FBXO31: variants seen among roughly 807,000 people sequenced by gnomAD.
The protein encoded by FBXO31 is F-box only protein 31.
A neutral mutation model predicts 54.4 loss-of-function variants in FBXO31; 24 were observed. That is an observed-to-expected ratio of 0.44 (90% CI 0.32 to 0.62). FBXO31 has a LOEUF of 0.62. FBXO31 is among the 20% of genes least tolerant of loss of function. The pLI is 0.05. For missense variants in FBXO31, 665 were observed against 787.1 expected (o/e 0.84, Z 1.86); for synonymous variants, 388 against 335.6 (o/e 1.16, Z -1.71).
intron 5 of FBXO31, among the ~76,000 whole-genome samples, chr16:87,340,773 A>T (rs147367406): frequency 2.3e-4 from 35 of 152,362 alleles, no homozygotes; most frequent in Middle Eastern, 6.8e-3. Context: ...CCTGGGCAAC[A>T]AAGTGAGACA....
intron 1 of FBXO31, among the ~76,000 whole-genome samples, chr16:87,362,139 C>T (rs544860868): frequency 1.3e-5 from 2 of 151,426 alleles, no homozygotes; most frequent in East Asian, 1.9e-4. Flanking sequence ...AGATCTAGGC[C>T]GGGGCTGCCC....
At chr16:87,333,764 C>T in intron 8 of FBXO31, 122 bp downstream of exon 8, 1 of 1,413,006 alleles carries the variant, frequency 7.1e-7, no homozygotes, top group South Asian at 1.4e-5. Context: ...TGTCCCAAAG[C>T]ACCGGCTGCC....
chr16:87,377,816 G>C (rs1048264222), intron 1 of FBXO31, among the ~76,000 whole-genome samples: 11 of 150,452 alleles, frequency 7.3e-5, no homozygotes, highest in African/African-American at 2.0e-4. Flanking sequence ...GTGACAGAAA[G>C]AGACCCAGTC....
intron 5 of FBXO31, among the ~76,000 whole-genome samples, chr16:87,337,315 G>A (rs1905067765): frequency 1.3e-5 from 2 of 152,210 alleles, no homozygotes; most frequent in African/African-American, 4.8e-5. Context: ...GAGATGCCAC[G>A]TGTGGGGTCT....
chr16:87,343,509 T>C, intron 4 of FBXO31, 89 bp downstream of exon 4: 1 of 1,471,060 alleles, frequency 6.8e-7, no homozygotes, highest in Non-Finnish European at 9.2e-7. Context: ...AGCCCAGGTC[T>C]GCAGCTGAGA....
In FBXO31 at chr16:87,335,607, C is replaced by CA; in HGVS notation, c.843-151dup. 2 of 922,506 alleles carry CA rather than the reference C, an allele frequency of 2.2e-6. No individual in the cohort carries two copies. Among genetic ancestry groups the CA allele is most frequent in the South Asian group, 3.4e-5 (2 of 58,272 alleles). 57.1% of individuals were successfully genotyped at this position (922,506 alleles called of 1,614,324 possible). A position where few individuals can be genotyped will look rare whatever the true frequency, so the allele number is the denominator to read the frequency against. Reference sequence around the variant, plus strand: ...AGGTGTCCACCAGGCCTGTGGGCAGCAATGCGCCCAGGGGAGCCCTCACCC... The same window carrying CA: ...AGGTGTCCACCAGGCCTGTGGGCAGCAAATGCGCCCAGGGGAGCCCTCACCC... On this transcript the variant is annotated intron_variant, in intron 6 of 8. Coordinates refer to ENST00000311635, the MANE Select transcript of FBXO31 (RefSeq NM_024735.5). The surrounding 1 kb of genome is among the most constrained non-coding windows in gnomAD (Gnocchi z 5.7).
At chr16:87,350,192 G>A (rs1357219696) in intron 2 of FBXO31, among the ~76,000 whole-genome samples, 1 of 152,100 alleles carries the variant, frequency 6.6e-6, no homozygotes, top group African/African-American at 2.4e-5. Flanking sequence ...CCAGACCACA[G>A]GAAGGAAGAT....
intron 1 of FBXO31, among the ~76,000 whole-genome samples, chr16:87,376,987 C>T (rs1252585085): frequency 6.6e-6 from 1 of 152,260 alleles, no homozygotes; most frequent in Non-Finnish European, 1.5e-5. Flanking sequence ...TGTAATACCA[C>T]ACAGGCTTGC....
chr16:87,364,459 G>A lies in FBXO31; in HGVS notation c.341-4093C>T, dbSNP rs954609894. On this transcript the variant is annotated intron_variant, in intron 1 of 8. Transcript: ENST00000311635. ...CGCAGCCAGACCTGGGCCAGTTCGC[G>A]CCGACTCTTCTCCATTCCAGAGGTC... Among the ~76,000 whole-genome samples the A allele has an allele frequency of 1.4e-4, 22 of 152,332 alleles. No individual in the cohort carries two copies. The East Asian group carries it at 2.9e-3, about 20-fold the overall frequency.
intron 1 of FBXO31, among the ~76,000 whole-genome samples, chr16:87,375,928 C>G (rs1055603227): frequency 6.6e-6 from 1 of 152,232 alleles, no homozygotes; most frequent in Non-Finnish European, 1.5e-5. Flanking sequence ...CAGCCTGAGT[C>G]ACTCCACTTC....
intron 3 of FBXO31, among the ~76,000 whole-genome samples, chr16:87,344,626 T>C (rs1226650827): frequency 6.6e-6 from 1 of 151,790 alleles, no homozygotes; most frequent in Admixed American, 6.6e-5. Context: ...TATCCACTGC[T>C]TTTTGTTTTT....
chr16:87,348,134 C>T (rs1597365903), intron 2 of FBXO31, among the ~76,000 whole-genome samples: 1 of 152,224 alleles, frequency 6.6e-6, no homozygotes, highest in East Asian at 1.9e-4. Context: ...CAGGCCTGAA[C>T]CCCCAGCCCA....
intron 1 of FBXO31, among the ~76,000 whole-genome samples, chr16:87,361,585 G>A (rs776146249): frequency 1.3e-5 from 2 of 152,218 alleles, no homozygotes; most frequent in Non-Finnish European, 2.9e-5. Context: ...TCACAATACA[G>A]GAACGTCGAT....
At chr16:87,387,634 C>T (rs1283779139), upstream of FBXO31, among the ~76,000 whole-genome samples, 1 of 152,130 alleles carries the variant, frequency 6.6e-6, no homozygotes, top group Non-Finnish European at 1.5e-5. Flanking sequence ...AGTGAAACCC[C>T]GTCTCTACTA....
At position 87,351,019 on chromosome 16, in the gene FBXO31, C is replaced by T. The variant is rs76331422; in HGVS notation, c.413-3769G>A. ...GGCCGCTGCTGACCAGATGTCGGCT[C>T]CTTTAGTCTGTGACGGCCACCAAAA... On this transcript the variant is annotated intron_variant, in intron 2 of 8. Transcript: ENST00000311635. 1.8e-4 allele frequency among the ~76,000 whole-genome samples: 28 copies of T among 152,348 alleles called. 1 individual carries two copies. The East Asian group carries it at 5.0e-3, about 27-fold the overall frequency.
Position 87,333,929 on chromosome 16 carries a change from C to A in FBXO31, c.1354G>T (p.Val452Leu), listed in dbSNP as rs759819249. Residue 452 changes from valine (V) to leucine (L), a missense_variant, in exon 8 of 9, where the codon GTG becomes TTG. Coordinates refer to ENST00000311635, the MANE Select transcript of FBXO31 (RefSeq NM_024735.5). ...QGQPFVLPVGVSSRNEDYPRT... is the reference protein window; with the variant it reads ...QGQPFVLPVGLSSRNEDYPRT... ...GGGTAGTCCTCATTCCTGGAGCTCA[C>A]GCCCACGGGCAGCACGAACGGCTGC... The A allele has an allele frequency of 1.2e-6, 2 of 1,611,192 alleles. No individual in the cohort carries two copies. Among genetic ancestry groups the A allele is most frequent in the East Asian group, 2.2e-5 (1 of 44,866 alleles).
In FBXO31 at chr16:87,383,726, G is replaced by T; in HGVS notation, c.19C>A (p.Leu7Ile). The T allele has an allele frequency of 2.4e-6, 3 of 1,233,744 alleles. No homozygotes were observed. The highest frequency in any genetic ancestry group is 3.0e-6 in the Non-Finnish European group (3 of 992,376). 76.4% of individuals were successfully genotyped at this position (1,233,744 alleles called of 1,614,324 possible). Residue 7 changes from leucine (L) to isoleucine (I), a missense_variant, in exon 1 of 9, where the codon CTT becomes ATT. Physicochemically the swap from Leu to Ile is conservative, Grantham distance 5. Coordinates refer to ENST00000311635, the MANE Select transcript of FBXO31 (RefSeq NM_024735.5). This position sits in a 1 kb window ranked among gnomAD's most constrained non-coding sequence, Gnocchi z 4.9. MAVCAR[L>I]CGVGPSRGCR... ...CCGCGCGACGGGCCCACGCCGCAAA[G>T]GCGAGCACACACCGCCATGCCGCCC...
At chr16:87,356,649 G>C (rs573203417) in intron 2 of FBXO31, among the ~76,000 whole-genome samples, 1 of 152,196 alleles carries the variant, frequency 6.6e-6, no homozygotes, top group South Asian at 2.1e-4. Flanking sequence ...TCAGTAAAGC[G>C]GGACCCAGTT....
chr16:87,334,016 C>T lies in FBXO31; in HGVS notation c.1267G>A (p.Asp423Asn). 6.2e-7 allele frequency: 1 copy of T among 1,612,792 alleles called. No individual in the cohort carries two copies. The highest frequency in any genetic ancestry group is 8.5e-7 in the Non-Finnish European group (1 of 1,179,774). Residue 423 changes from aspartate to asparagine, a missense_variant, in exon 8 of 9, where the codon GAT becomes AAT. By Grantham distance (23) the Asp-to-Asn change is conservative (BLOSUM62 1). This residue lies in a region of FBXO31 where 165 missense variants were observed against 159.7 expected (regional missense o/e 1.03). Coordinates refer to ENST00000311635, the MANE Select transcript of FBXO31 (RefSeq NM_024735.5). ...SKGPDGTPGE[D>N]GGEPGDAVAA... ...ACGGCATCCCCAGGCTCGCCACCAT[C>T]CTCACCAGGTGTCCCATCTGGGCCC...
Sources: gnomAD v4.1 joint callset for allele counts (sites outside exome capture counted in the v4.1 genomes callset) on GRCh38, gnomAD v4.1.1 for gene constraint, gnomAD v4.1.1 regional missense constraint, Gnocchi (gnomAD v3.1) non-coding constraint, MANE v1.5 for transcripts, NCBI Gene and HGNC (gene_info 2026-07-23, HGNC 2026-07-21) for gene names.